The following SEMA3E variants were observed in gnomAD, a reference collection of about 807,000 sequenced individuals.
The protein encoded by SEMA3E is semaphorin 3E.
SEMA3E carries 49 observed loss-of-function variants against 93.6 expected under a neutral mutation model. The observed-to-expected ratio is 0.52, with a 90% CI of 0.42 to 0.66. SEMA3E has a LOEUF of 0.66. Ranked by LOEUF, SEMA3E falls within the 30% of genes least tolerant of loss-of-function variation. The pLI is 0.00. For synonymous variants in SEMA3E, 363 were observed against 330.7 expected (o/e 1.10, Z -1.06); for missense variants, 906 against 964.8 (o/e 0.94, Z 0.81).
At chr7:83,493,133 A>G (rs1286840161) in intron 1 of SEMA3E, among the ~76,000 whole-genome samples, 1 of 151,956 alleles carries the variant, frequency 6.6e-6, no homozygotes, top group Non-Finnish European at 1.5e-5. Context: ...AAACAGTGCA[A>G]AAAAAGAAGC....
At chr7:83,620,831 G>A (rs902695237) in intron 1 of SEMA3E, among the ~76,000 whole-genome samples, 10 of 152,060 alleles carry the variant, frequency 6.6e-5, no homozygotes, top group African/African-American at 2.4e-4. Flanking sequence ...ACTAGATATT[G>A]AAGTAACATA....
chr7:83,497,250 A>G (rs933662014), intron 1 of SEMA3E, among the ~76,000 whole-genome samples: 2 of 152,150 alleles, frequency 1.3e-5, no homozygotes, highest in African/African-American at 2.4e-5. Flanking sequence ...TTTAAATGCT[A>G]TAGTTCCTTG....
At chr7:83,514,027 G>T (rs1790878743) in intron 1 of SEMA3E, among the ~76,000 whole-genome samples, 1 of 152,112 alleles carries the variant, frequency 6.6e-6, no homozygotes, top group Admixed American at 6.6e-5. Context: ...AAAACAGATT[G>T]CAGTAAAGAA....
chr7:83,481,318 T>C (rs919883931), intron 2 of SEMA3E, among the ~76,000 whole-genome samples: 2 of 152,172 alleles, frequency 1.3e-5, no homozygotes, highest in Non-Finnish European at 2.9e-5. Context: ...TTTTCTTTAG[T>C]TCAGCCCAAG....
intron 5 of SEMA3E, among the ~76,000 whole-genome samples, chr7:83,414,118 A>T (rs1788496516): frequency 6.6e-6 from 1 of 152,196 alleles, no homozygotes; most frequent in Non-Finnish European, 1.5e-5. Flanking sequence ...GGGACAGGAA[A>T]GTGGTAAGGG....
intron 1 of SEMA3E, among the ~76,000 whole-genome samples, chr7:83,642,371 A>G (rs950411001): frequency 1.3e-5 from 2 of 152,172 alleles, no homozygotes; most frequent in Non-Finnish European, 2.9e-5. Context: ...CCATAGGGCC[A>G]TATGAAGGAA....
At chr7:83,427,750 A>C (rs1302328266) in intron 4 of SEMA3E, among the ~76,000 whole-genome samples, 1 of 152,180 alleles carries the variant, frequency 6.6e-6, no homozygotes. Flanking sequence ...TTCAGCAACC[A>C]AATCAACCAG....
chr7:83,406,706 C>A (rs1468523336), intron 7 of SEMA3E, among the ~76,000 whole-genome samples: 2 of 152,044 alleles, frequency 1.3e-5, no homozygotes, highest in Non-Finnish European at 2.9e-5. Flanking sequence ...TTACAGATGG[C>A]TTTTTTAAAA....
intron 3 of SEMA3E, among the ~76,000 whole-genome samples, chr7:83,468,519 A>G (rs551514869): frequency 1.3e-5 from 2 of 152,108 alleles, no homozygotes; most frequent in South Asian, 4.2e-4. Flanking sequence ...GAGAATGAGG[A>G]GTTGGTATAA....
intron 4 of SEMA3E, among the ~76,000 whole-genome samples, chr7:83,439,982 T>C (rs1235698001): frequency 6.6e-6 from 1 of 152,192 alleles, no homozygotes; most frequent in Non-Finnish European, 1.5e-5. Context: ...AGCTTTTCAA[T>C]TCAATGTGCA....
intron 1 of SEMA3E, among the ~76,000 whole-genome samples, chr7:83,578,145 ATT>A (rs1241449781): frequency 2.6e-4 from 33 of 124,864 alleles, no homozygotes; most frequent in Non-Finnish European, 4.5e-4. Context: ...GAGTTTTCTC[ATT>A]AAAAAAAAAC....
At position 83,375,640 on chromosome 7, in the gene SEMA3E, T is replaced by C. The variant is rs113693682; in HGVS notation, c.1876-7602A>G. Reference sequence around the variant, plus strand: ...TATTTTGGAGTATCTACTGTACATGTGTGCATTGGGCTTTCTGCATTACCA... The same window carrying C: ...TATTTTGGAGTATCTACTGTACATGCGTGCATTGGGCTTTCTGCATTACCA... On this transcript the variant is annotated intron_variant, in intron 16 of 16. Transcript: ENST00000643230. 2.2e-3 allele frequency among the ~76,000 whole-genome samples: 340 copies of C among 152,170 alleles called. 2 individuals are homozygous for C. Among genetic ancestry groups the C allele is most frequent in the African/African-American group, 7.8e-3 (324 of 41,564 alleles).
chr7:83,575,000 G>A (rs529539881), intron 1 of SEMA3E, among the ~76,000 whole-genome samples: 54 of 152,260 alleles, frequency 3.5e-4, no homozygotes, highest in African/African-American at 1.1e-3. Flanking sequence ...ATGGAAATGA[G>A]AGACTGTCTC....
intron 12 of SEMA3E, among the ~76,000 whole-genome samples, chr7:83,395,352 C>T (rs902931217): frequency 3.9e-5 from 6 of 152,230 alleles, no homozygotes; most frequent in African/African-American, 1.4e-4. Context: ...AAATGTACTG[C>T]TTCTCATTTA....
At chr7:83,636,403 A>G (rs1018034721) in intron 1 of SEMA3E, among the ~76,000 whole-genome samples, 7 of 152,174 alleles carry the variant, frequency 4.6e-5, no homozygotes, top group African/African-American at 9.7e-5. Flanking sequence ...GGTATTCAGC[A>G]AAAGAATTAA....
chr7:83,394,269 C>T, intron 13 of SEMA3E, 28 bp downstream of exon 13: 1 of 1,470,332 alleles, frequency 6.8e-7, no homozygotes, highest in Non-Finnish European at 9.0e-7. Flanking sequence ...AACACACACA[C>T]CTACACACAC....
At chr7:83,586,981 G>C (rs571098725) in intron 1 of SEMA3E, among the ~76,000 whole-genome samples, 11 of 152,224 alleles carry the variant, frequency 7.2e-5, no homozygotes, top group Admixed American at 2.0e-4. Flanking sequence ...TCTGCATTTT[G>C]TACATTGAAG....
rs547301449 is a variant in SEMA3E at position 83,375,673 on chromosome 7, C to T, written c.1876-7635G>A. Among the ~76,000 whole-genome samples the T allele has an allele frequency of 6.0e-4, 91 of 152,084 alleles. 1 individual carries two copies. Among genetic ancestry groups the T allele is most frequent in the Non-Finnish European group, 1.1e-3 (77 of 67,954 alleles). The stretch of plus-strand genomic sequence containing the variant: ...GGGCTTTCTGCATTACCATGTTATC[C>T]GGTTTAATCAGATGCACAAAGCTAG... On this transcript the variant is annotated intron_variant, in intron 16 of 16. Transcript: ENST00000643230.
intron 4 of SEMA3E, among the ~76,000 whole-genome samples, chr7:83,425,934 C>A (rs1397832827): frequency 2.0e-5 from 2 of 102,338 alleles, no homozygotes; most frequent in East Asian, 1.9e-4. Context: ...TGAACAAATT[C>A]TTTCATACAT....
Sources: allele counts gnomAD v4.1 joint callset (sites outside exome capture counted in the v4.1 genomes callset), GRCh38; gene constraint gnomAD v4.1.1; transcripts MANE v1.5; gene names NCBI Gene and HGNC (gene_info 2026-07-23, HGNC 2026-07-21).